POLR3B: variants seen among roughly 807,000 people sequenced by gnomAD.
POLR3B encodes DNA-directed RNA polymerase III subunit RPC2.
In POLR3B, 96 loss-of-function variants were observed where a neutral mutation model predicts 147.4. The ratio of observed to expected loss-of-function variants is 0.65; its 90% CI spans 0.55 to 0.77. The LOEUF (loss-of-function observed/expected upper bound fraction) is 0.77. POLR3B is among the 30% of genes least tolerant of loss of function. POLR3B has a pLI of 0.00. For synonymous variants in POLR3B, 461 were observed against 485.9 expected, an observed-to-expected ratio of 0.95 and a Z score of 0.67; for missense variants, 1,036 against 1,413.5, an observed-to-expected ratio of 0.73 and a Z score of 4.28.
chr12:106,449,282 GT>G (rs1361834474), intron 19 of POLR3B, among the ~76,000 whole-genome samples: 1 of 152,204 alleles, frequency 6.6e-6, no homozygotes, highest in Non-Finnish European at 1.5e-5. Context: ...CAGGTGTGGA[GT>G]TTTCCACTTG....
chr12:106,498,459 C>T (rs1290820766), intron 25 of POLR3B, among the ~76,000 whole-genome samples: 1 of 152,126 alleles, frequency 6.6e-6, no homozygotes, highest in Non-Finnish European at 1.5e-5. Context: ...AAATTAGTTG[C>T]CTAAATTAAG....
intron 23 of POLR3B, among the ~76,000 whole-genome samples, chr12:106,478,596 A>G (rs1395188356): frequency 6.6e-6 from 1 of 151,906 alleles, no homozygotes; most frequent in Middle Eastern, 3.2e-3. Flanking sequence ...TTACAGCTTC[A>G]TCAAATTTAT....
intron 20 of POLR3B, 145 bp from the exon 21 acceptor site, chr12:106,456,993 T>C (rs1592752204): frequency 2.7e-6 from 2 of 733,664 alleles, no homozygotes; most frequent in African/African-American, 1.7e-5. Context: ...TGGTTTGTAC[T>C]GGTCCCAGAT....
chr12:106,440,214 G>C (rs1425164182), intron 18 of POLR3B, among the ~76,000 whole-genome samples: 4 of 151,958 alleles, frequency 2.6e-5, no homozygotes, highest in Non-Finnish European at 5.9e-5. Flanking sequence ...TCAATCCCTA[G>C]CTCATCACAT....
chr12:106,398,961 C>G (rs1399971450), intron 10 of POLR3B, among the ~76,000 whole-genome samples: 1 of 152,166 alleles, frequency 6.6e-6, no homozygotes, highest in Non-Finnish European at 1.5e-5. Context: ...TCCTCACCAG[C>G]AACAGAACAA....
intron 2 of POLR3B, among the ~76,000 whole-genome samples, chr12:106,364,924 A>G (rs901074513): frequency 3.9e-5 from 6 of 152,110 alleles, no homozygotes; most frequent in Non-Finnish European, 8.8e-5. Context: ...TCACGAGGTC[A>G]GGAGTTTGAG....
At chr12:106,362,163 G>A (rs2136877213) in intron 1 of POLR3B, among the ~76,000 whole-genome samples, 2 of 152,276 alleles carry the variant, frequency 1.3e-5, no homozygotes, top group Admixed American at 1.3e-4. Context: ...AAATAGAACA[G>A]GTTGAATATC....
At chr12:106,405,553 C>T (rs113244693) in intron 10 of POLR3B, among the ~76,000 whole-genome samples, 16 of 144,148 alleles carry the variant, frequency 1.1e-4, no homozygotes, top group African/African-American at 4.6e-4. Flanking sequence ...CACACACACA[C>T]ACACACACAC....
At chr12:106,374,278 AC>A (rs1250584012) in intron 6 of POLR3B, among the ~76,000 whole-genome samples, 1 of 152,102 alleles carries the variant, frequency 6.6e-6, no homozygotes, top group Non-Finnish European at 1.5e-5. Context: ...GTGCAATGGT[AC>A]ACTCATGGCT....
At chr12:106,500,597 G>A (rs2038582620) in intron 25 of POLR3B, among the ~76,000 whole-genome samples, 2 of 152,214 alleles carry the variant, frequency 1.3e-5, no homozygotes, top group Admixed American at 1.3e-4. Flanking sequence ...CTTTAGATGT[G>A]GTATTCAGTG....
chr12:106,368,896 T>G (rs888605557), intron 4 of POLR3B, among the ~76,000 whole-genome samples: 6 of 526 alleles, frequency 0.011, no homozygotes, highest in South Asian at 0.083. Context: ...AAATGAGCGT[T>G]TTTTTTTTGT....
intron 23 of POLR3B, among the ~76,000 whole-genome samples, chr12:106,472,481 A>C (rs1308807159): frequency 1.3e-5 from 2 of 149,120 alleles, no homozygotes; most frequent in Non-Finnish European, 3.0e-5. Context: ...TCCCACCAAC[A>C]GTGTAAAAGT....
chr12:106,456,998 C>G (rs1792496632), intron 20 of POLR3B, 140 bp from the exon 21 acceptor site: 4 of 747,318 alleles, frequency 5.4e-6, no homozygotes, highest in Non-Finnish European at 9.7e-6. Flanking sequence ...TGTACTGGTC[C>G]CAGATTATTA....
At chr12:106,500,751 G>T (rs944732297) in intron 25 of POLR3B, among the ~76,000 whole-genome samples, 8 of 152,198 alleles carry the variant, frequency 5.3e-5, no homozygotes, top group African/African-American at 1.9e-4. Context: ...AGAGGCCAGT[G>T]TTGTTGGAGT....
Position 106,433,863 on chromosome 12 carries a change from G to A in POLR3B, c.1772G>A (p.Arg591Lys). The A allele has an allele frequency of 6.2e-7, 1 of 1,613,234 alleles. No individual in the cohort carries two copies. The highest frequency in any genetic ancestry group is 8.5e-7 in the Non-Finnish European group (1 of 1,179,368). Residue 591 changes from arginine (R) to lysine (K), a missense_variant, in exon 16 of 28, where the codon AGG becomes AAG. By Grantham distance (26) the Arg-to-Lys change is conservative. Transcript: ENST00000228347. Reference protein sequence around the residue: ...RCVYISSDGGRLCRPYIIVKK... With the variant: ...RCVYISSDGGKLCRPYIIVKK... ...GTCTATATTTCTTCTGATGGGGGAA[G>A]GCTATGCAGGTATATATGCAGGTTA...
chr12:106,505,539 G>A (rs1404783051), intron 27 of POLR3B, among the ~76,000 whole-genome samples: 1 of 152,066 alleles, frequency 6.6e-6, no homozygotes, highest in Non-Finnish European at 1.5e-5. Context: ...CCCTCCCAAA[G>A]TGCTGGGATT....
intron 23 of POLR3B, among the ~76,000 whole-genome samples, chr12:106,493,745 A>G (rs1340983919): frequency 6.6e-6 from 1 of 152,228 alleles, no homozygotes. Context: ...AGCAGAGGGT[A>G]GAAGCCGCAA....
intron 23 of POLR3B, among the ~76,000 whole-genome samples, chr12:106,486,676 G>A (rs1004517480): frequency 4.6e-5 from 7 of 152,028 alleles, no homozygotes; most frequent in African/African-American, 1.2e-4. Context: ...ACAGCATGTC[G>A]CACAAATGCC....
At chr12:106,479,796 C>CTTCTTTTCTT (rs71072680) in intron 23 of POLR3B, among the ~76,000 whole-genome samples, 2,704 of 133,990 alleles carry the variant, frequency 0.02, 62 homozygotes, top group South Asian at 0.041. Flanking sequence ...TCTTTCCTTC[C>CTTCTTTTCTT]TTCTTTTCTT....
Sources: gnomAD v4.1 joint callset for allele counts (sites outside exome capture counted in the v4.1 genomes callset) on GRCh38, gnomAD v4.1.1 for gene constraint, MANE v1.5 for transcripts, NCBI Gene and HGNC (gene_info 2026-07-23, HGNC 2026-07-21) for gene names.